ACTR3C: variants seen among roughly 807,000 people sequenced by gnomAD.
The protein encoded by ACTR3C is actin-related protein 3C.
In ACTR3C, 18 loss-of-function variants were observed where a neutral mutation model predicts 26.3. The ratio of observed to expected loss-of-function variants is 0.68; its 90% CI spans 0.47 to 1.01. The LOEUF (loss-of-function observed/expected upper bound fraction) is 1.01, where lower values mean the gene tolerates loss of function less well. Among genes scored for constraint, ACTR3C ranks in the 50% least tolerant of loss-of-function variants. ACTR3C has a pLI of 0.00. For missense variants in ACTR3C, 184 were observed against 250.7 expected (o/e 0.73, Z 1.80); for synonymous variants, 55 against 94.5 (o/e 0.58, Z 2.42).
At chr7:150,044,514 G>C in the ACTR3C span, among the ~76,000 whole-genome samples, 1 of 152,180 alleles carries the variant, frequency 6.6e-6, no homozygotes, top group African/African-American at 2.4e-5. Context: ...AGGCTTTCCT[G>C]TGGAGCCACA....
At chr7:150,181,523 A>G in the ACTR3C span, among the ~76,000 whole-genome samples, 1 of 150,428 alleles carries the variant, frequency 6.6e-6, no homozygotes, top group Non-Finnish European at 1.5e-5. Flanking sequence ...TGAGACCAGG[A>G]TTCAAAGGTA....
chr7:149,951,830 A>C, the ACTR3C span, among the ~76,000 whole-genome samples: 2 of 150,028 alleles, frequency 1.3e-5, no homozygotes, highest in Admixed American at 6.6e-5. Context: ...GCCAGGGCCA[A>C]GTGAGCATTT....
the ACTR3C span, among the ~76,000 whole-genome samples, chr7:150,029,397 CAAAAACAAAAA>C: frequency 1.1e-4 from 4 of 35,434 alleles, no homozygotes; most frequent in South Asian, 3.0e-3. Context: ...CAATCTTTAT[CAAAAACAAAAA>C]AAAAAAAAAC....
At chr7:150,017,104 G>T in the ACTR3C span, among the ~76,000 whole-genome samples, 2 of 151,996 alleles carry the variant, frequency 1.3e-5, no homozygotes, top group African/African-American at 2.4e-5. Context: ...TTAGGCCAAG[G>T]GATGCGCTGG....
chr7:150,159,134 C>T, the ACTR3C span, among the ~76,000 whole-genome samples: 1 of 151,862 alleles, frequency 6.6e-6, no homozygotes, highest in African/African-American at 2.4e-5. Context: ...CCATATCGCG[C>T]ACCCTAAATA....
At chr7:150,236,271 T>C in the ACTR3C span, among the ~76,000 whole-genome samples, 1 of 152,242 alleles carries the variant, frequency 6.6e-6, no homozygotes, top group African/African-American at 2.4e-5. Context: ...TTTCCTATGA[T>C]GAACACCTAA....
downstream of ACTR3C, among the ~76,000 whole-genome samples, chr7:150,239,557 T>TAA (rs1195232763): frequency 8.6e-5 from 12 of 139,110 alleles, no homozygotes; most frequent in East Asian, 2.4e-3. Flanking sequence ...TATATATATA[T>TAA]ATATAATTTA....
chr7:149,915,707 A>G, the ACTR3C span, among the ~76,000 whole-genome samples: 1 of 151,144 alleles, frequency 6.6e-6, no homozygotes, highest in African/African-American at 2.5e-5. Context: ...GCCATTATAA[A>G]GTGTCACATT....
chr7:150,011,336 C>T, the ACTR3C span, among the ~76,000 whole-genome samples: 3 of 151,958 alleles, frequency 2.0e-5, no homozygotes, highest in Non-Finnish European at 2.9e-5. Flanking sequence ...CCTGTAATCT[C>T]AGCACTTTGG....
At chr7:149,924,000 T>TA in the ACTR3C span, among the ~76,000 whole-genome samples, 3,948 of 142,402 alleles carry the variant, frequency 0.028, 232 homozygotes, top group East Asian at 0.28. Context: ...CAGTCTCAAT[T>TA]AAAAAAAAAA....
intron 2 of ACTR3C, 127 bp downstream of exon 2, chr7:150,295,125 G>T (rs376349284): frequency 1.8e-6 from 2 of 1,130,328 alleles, no homozygotes; most frequent in Admixed American, 2.5e-5. Context: ...GCATGGGGAC[G>T]GGGGAGGGAG....
the ACTR3C span, among the ~76,000 whole-genome samples, chr7:150,140,073 CACAG>C: frequency 3.1e-5 from 4 of 130,006 alleles, no homozygotes; most frequent in Admixed American, 8.0e-5. Flanking sequence ...CACGTGCACA[CACAG>C]ACAGGCTGCT....
chr7:150,136,254 G>A, the ACTR3C span, among the ~76,000 whole-genome samples: 71 of 152,260 alleles, frequency 4.7e-4, no homozygotes, highest in Non-Finnish European at 6.3e-4. Context: ...GACATGAAGC[G>A]GTAGCGTCTC....
At chr7:150,123,250 A>T in the ACTR3C span, among the ~76,000 whole-genome samples, 3 of 152,122 alleles carry the variant, frequency 2.0e-5, no homozygotes, top group Admixed American at 1.3e-4. Flanking sequence ...AGGTAAAATC[A>T]GGACAAAAAA....
chr7:150,297,326 A>G (rs1794986474), intron 1 of ACTR3C, among the ~76,000 whole-genome samples: 1 of 150,872 alleles, frequency 6.6e-6, no homozygotes, highest in African/African-American at 2.5e-5. Flanking sequence ...TCTGTACCCC[A>G]TAAATATGCA....
At chr7:150,122,610 A>G in the ACTR3C span, among the ~76,000 whole-genome samples, 1 of 152,234 alleles carries the variant, frequency 6.6e-6, no homozygotes, top group Admixed American at 6.5e-5. Context: ...GAGGATGTGG[A>G]GAAATAAGAA....
the ACTR3C span, among the ~76,000 whole-genome samples, chr7:150,199,640 A>T: frequency 1.3e-3 from 122 of 96,860 alleles, 1 homozygote; most frequent in Admixed American, 0.011. Context: ...AAATAAAAAT[A>T]AAAAAAAATA....
At chr7:149,919,306 T>A in the ACTR3C span, among the ~76,000 whole-genome samples, 1 of 151,670 alleles carries the variant, frequency 6.6e-6, no homozygotes, top group Non-Finnish European at 1.5e-5. Context: ...AGTATCATGA[T>A]CTCCACTCCC....
At chr7:150,037,490 GC>G in the ACTR3C span, among the ~76,000 whole-genome samples, 1 of 54,822 alleles carries the variant, frequency 1.8e-5, no homozygotes, top group Non-Finnish European at 4.2e-5. Flanking sequence ...GGTAGCAACA[GC>G]CGGGGGTGGA....
Sources: allele counts gnomAD v4.1 joint callset (sites outside exome capture counted in the v4.1 genomes callset), GRCh38; gene constraint gnomAD v4.1.1; transcripts MANE v1.5; gene names NCBI Gene and HGNC (gene_info 2026-07-23, HGNC 2026-07-21).